ARK2C: variants seen among roughly 807,000 people sequenced by gnomAD.
ARK2C encodes the protein arkadia (RNF111) C-terminal like ring finger ubiquitin ligase 2C.
the ARK2C span, chr18:46,435,331 T>A: frequency 6.2e-7 from 1 of 1,614,126 alleles, no homozygotes; most frequent in Non-Finnish European, 8.5e-7. Context: ...ACCGCCTCCA[T>A]CCCAGCTTCG....
At chr18:46,375,575 TAATAATAATA>T in the ARK2C span, among the ~76,000 whole-genome samples, 2 of 148,760 alleles carry the variant, frequency 1.3e-5, no homozygotes, top group Non-Finnish European at 1.5e-5. Flanking sequence ...ATAATAATAA[TAATAATAATA>T]ATAATAATAA....
the ARK2C span, chr18:46,435,385 G>C: frequency 6.2e-7 from 1 of 1,613,660 alleles, no homozygotes; most frequent in Non-Finnish European, 8.5e-7. Context: ...ATTTGGCTGA[G>C]GGCACTGACT....
chr18:46,427,826 C>T, the ARK2C span, among the ~76,000 whole-genome samples: 2 of 152,148 alleles, frequency 1.3e-5, no homozygotes, highest in Non-Finnish European at 2.9e-5. Flanking sequence ...TGCCAGGTGC[C>T]AAAGGAGTGG....
At chr18:46,409,543 G>C in the ARK2C span, among the ~76,000 whole-genome samples, 57 of 152,306 alleles carry the variant, frequency 3.7e-4, no homozygotes, top group East Asian at 8.5e-3. Flanking sequence ...AGGATTGGGG[G>C]AAGCTAAGAG....
the ARK2C span, chr18:46,450,246 TG>T: frequency 8.2e-7 from 1 of 1,226,952 alleles, no homozygotes; most frequent in Non-Finnish European, 1.2e-6. Context: ...GCTGGGCTCA[TG>T]GAGAAACCTT....
chr18:46,434,548 C>CT, the ARK2C span, among the ~76,000 whole-genome samples: 1 of 152,212 alleles, frequency 6.6e-6, no homozygotes, highest in Non-Finnish European at 1.5e-5. Flanking sequence ...GAAAACCTCT[C>CT]TGTTCATTTG....
At chr18:46,350,462 A>G in the ARK2C span, among the ~76,000 whole-genome samples, 13 of 152,162 alleles carry the variant, frequency 8.5e-5, no homozygotes, top group African/African-American at 3.1e-4. Context: ...AGAGCATGAG[A>G]GAAGGGAGCG....
chr18:46,423,098 G>A, the ARK2C span, among the ~76,000 whole-genome samples: 2 of 152,294 alleles, frequency 1.3e-5, no homozygotes, highest in South Asian at 4.2e-4. Context: ...GTACCCAGGA[G>A]TTTCCTTCAA....
At chr18:46,453,996 C>T in the ARK2C span, among the ~76,000 whole-genome samples, 1 of 149,684 alleles carries the variant, frequency 6.7e-6, no homozygotes, top group African/African-American at 2.5e-5. Flanking sequence ...ACCTGTAGTC[C>T]CAACCACTTA....
At chr18:46,419,918 C>T in the ARK2C span, among the ~76,000 whole-genome samples, 4 of 152,158 alleles carry the variant, frequency 2.6e-5, no homozygotes, top group South Asian at 4.1e-4. Context: ...CTTCCTTTCT[C>T]ATGTATTTCC....
chr18:46,381,301 C>G, the ARK2C span, among the ~76,000 whole-genome samples: 1 of 152,198 alleles, frequency 6.6e-6, no homozygotes, highest in African/African-American at 2.4e-5. Flanking sequence ...CATGTGGGGC[C>G]ACAAGAGCAG....
At chr18:46,394,506 C>A in the ARK2C span, among the ~76,000 whole-genome samples, 1 of 152,198 alleles carries the variant, frequency 6.6e-6, no homozygotes, top group Non-Finnish European at 1.5e-5. Context: ...CATCCTCCAC[C>A]TTCCCCCCAG....
chr18:46,426,435 C>T, the ARK2C span, among the ~76,000 whole-genome samples: 1 of 152,166 alleles, frequency 6.6e-6, no homozygotes, highest in African/African-American at 2.4e-5. Context: ...AGCCAGCAGT[C>T]CCCAGGCATT....
At chr18:46,382,199 C>T in the ARK2C span, among the ~76,000 whole-genome samples, 3 of 152,286 alleles carry the variant, frequency 2.0e-5, no homozygotes, top group Admixed American at 6.5e-5. Flanking sequence ...CCCTCCTGGA[C>T]GGTCTGTCAT....
the ARK2C span, among the ~76,000 whole-genome samples, chr18:46,383,980 G>A: frequency 1.6e-4 from 25 of 152,352 alleles, no homozygotes; most frequent in African/African-American, 6.0e-4. Flanking sequence ...AGACAATGCT[G>A]TAACATGACT....
the ARK2C span, chr18:46,336,963 A>C: frequency 1.0e-6 from 1 of 985,330 alleles, no homozygotes; most frequent in African/African-American, 1.7e-5. Context: ...CCCTGGCTTA[A>C]GTGGGAGCCA....
the ARK2C span, among the ~76,000 whole-genome samples, chr18:46,346,944 T>C: frequency 6.6e-6 from 1 of 152,202 alleles, no homozygotes; most frequent in Non-Finnish European, 1.5e-5. Flanking sequence ...GTAGCCTAAC[T>C]GGGGAGACCC....
the ARK2C span, chr18:46,433,616 G>C: frequency 1.0e-6 from 1 of 979,208 alleles, no homozygotes; most frequent in Non-Finnish European, 1.5e-6. Context: ...TGGCGGAGAC[G>C]GGGGCGGGGC....
chr18:46,342,009 C>G, the ARK2C span, among the ~76,000 whole-genome samples: 5 of 152,152 alleles, frequency 3.3e-5, no homozygotes, highest in African/African-American at 1.2e-4. Context: ...GGAGTAGGGA[C>G]TGAGGACAAG....
Sources: gnomAD v4.1 joint callset for allele counts (sites outside exome capture counted in the v4.1 genomes callset) on GRCh38, gnomAD v4.1.1 for gene constraint, MANE v1.5 for transcripts, NCBI Gene and HGNC (gene_info 2026-07-23, HGNC 2026-07-21) for gene names.